ADGRB3: variants seen among roughly 807,000 people sequenced by gnomAD.
ADGRB3 encodes brain-specific angiogenesis inhibitor 3.
ADGRB3 carries 37 observed loss-of-function variants against 193.4 expected under a neutral mutation model. The observed-to-expected ratio is 0.19, with a 90% CI of 0.15 to 0.25. The LOEUF is 0.25. ADGRB3 is among the 10% of genes least tolerant of loss of function. The pLI, the probability that ADGRB3 is intolerant of heterozygous loss-of-function variation, is 1.00. For synonymous variants in ADGRB3, 690 were observed against 644.2 expected (o/e 1.07, Z -1.08); for missense variants, 1,637 against 1,852.9 (o/e 0.88, Z 2.14).
chr6:68,670,852 A>G (rs1011410155), intron 3 of ADGRB3, among the ~76,000 whole-genome samples: 3 of 152,008 alleles, frequency 2.0e-5, no homozygotes, highest in Non-Finnish European at 4.4e-5. Flanking sequence ...TTTGAGTAGT[A>G]TGGACATTTT....
At chr6:69,366,926 C>T (rs1367765588) in intron 29 of ADGRB3, among the ~76,000 whole-genome samples, 3 of 152,070 alleles carry the variant, frequency 2.0e-5, no homozygotes, top group Non-Finnish European at 4.4e-5. Context: ...AGAAATGGAT[C>T]TTGCCCCTGT....
intron 17 of ADGRB3, among the ~76,000 whole-genome samples, chr6:69,160,497 T>A (rs1774953845): frequency 6.6e-6 from 1 of 152,184 alleles, no homozygotes; most frequent in Non-Finnish European, 1.5e-5. Context: ...AGGACTTTTC[T>A]CAAATGTTAT....
chr6:68,724,983 G>T (rs1220539034), intron 3 of ADGRB3, among the ~76,000 whole-genome samples: 1 of 151,584 alleles, frequency 6.6e-6, no homozygotes, highest in East Asian at 1.9e-4. Flanking sequence ...GCAAATATAT[G>T]TATATTTATT....
rs1395041687 is a variant in ADGRB3 at position 69,125,136 on chromosome 6, A to G, written c.2480+49098A>G. On this transcript the variant is annotated intron_variant, in intron 17 of 31. Transcript: ENST00000370598. ...AAGGGACAGGCAGGCAGACCAGCCA[A>G]TTGCCAACCTAACATCCCTTTTGGA... Among the ~76,000 whole-genome samples, 11 of 152,286 alleles carry G rather than the reference A, an allele frequency of 7.2e-5. 1 individual carries two copies. The highest frequency in any genetic ancestry group is 2.1e-4 in the South Asian group (1 of 4,820).
chr6:69,054,460 G>T (rs1308604972), intron 15 of ADGRB3, among the ~76,000 whole-genome samples: 1 of 152,158 alleles, frequency 6.6e-6, no homozygotes, highest in Non-Finnish European at 1.5e-5. Flanking sequence ...CAGAGCTCAT[G>T]TCCTTAGGTT....
At chr6:68,983,605 A>G (rs1405054750) in intron 10 of ADGRB3, among the ~76,000 whole-genome samples, 2 of 151,910 alleles carry the variant, frequency 1.3e-5, no homozygotes, top group Non-Finnish European at 2.9e-5. Context: ...GTATCCATTC[A>G]TCTACCCATT....
intron 17 of ADGRB3, among the ~76,000 whole-genome samples, chr6:69,122,431 T>G (rs1420871333): frequency 1.7e-5 from 2 of 115,540 alleles, no homozygotes; most frequent in East Asian, 5.4e-4. Context: ...CCTCAGCAAC[T>G]GAGGGAGACC....
At chr6:69,275,694 A>AT (rs200282068) in intron 20 of ADGRB3, among the ~76,000 whole-genome samples, 19 of 151,562 alleles carry the variant, frequency 1.3e-4, no homozygotes, top group African/African-American at 2.7e-4. Context: ...AGGACATAAT[A>AT]TAAAAAAAAA....
At position 69,138,000 on chromosome 6, in the gene ADGRB3, A is replaced by G. The variant is rs543237038; in HGVS notation, c.2480+61962A>G. On this transcript the variant is annotated intron_variant, in intron 17 of 31. Coordinates refer to ENST00000370598, the MANE Select transcript of ADGRB3 (RefSeq NM_001704.3). Reference sequence around the variant, plus strand: ...CAGTTGTTGCCTTGGGGTCAGGCCCATTTCAGGCAACAGAAAGTACAGAAT... The same window carrying G: ...CAGTTGTTGCCTTGGGGTCAGGCCCGTTTCAGGCAACAGAAAGTACAGAAT... 4.6e-5 allele frequency among the ~76,000 whole-genome samples: 7 copies of G among 152,316 alleles called. No homozygotes were observed. In the East Asian group the frequency reaches 9.7e-4, roughly 21 times the overall value.
At chr6:68,848,065 T>C (rs1582251400) in intron 3 of ADGRB3, among the ~76,000 whole-genome samples, 2 of 152,198 alleles carry the variant, frequency 1.3e-5, no homozygotes, top group Admixed American at 1.3e-4. Flanking sequence ...AGAATTAATA[T>C]TTGTTAATCA....
intron 17 of ADGRB3, among the ~76,000 whole-genome samples, chr6:69,200,486 A>G (rs943833874): frequency 3.3e-5 from 5 of 152,162 alleles, no homozygotes; most frequent in African/African-American, 9.7e-5. Context: ...CTGAGAACAT[A>G]AACTCTCATG....
intron 3 of ADGRB3, among the ~76,000 whole-genome samples, chr6:68,795,343 A>G (rs1018858009): frequency 2.0e-5 from 3 of 152,204 alleles, no homozygotes; most frequent in Middle Eastern, 3.4e-3. Flanking sequence ...CTAAAGAAAA[A>G]CTGTATCTTG....
intron 20 of ADGRB3, among the ~76,000 whole-genome samples, chr6:69,276,890 C>T (rs892055383): frequency 6.6e-6 from 1 of 151,910 alleles, no homozygotes; most frequent in Non-Finnish European, 1.5e-5. Flanking sequence ...CCAAACTCAT[C>T]AAATTGTATA....
intron 3 of ADGRB3, among the ~76,000 whole-genome samples, chr6:68,843,048 C>CAAA (rs746757153): frequency 1.6e-3 from 139 of 88,108 alleles, no homozygotes; most frequent in African/African-American, 4.0e-3. Flanking sequence ...CCATATACAA[C>CAAA]AACAAAAAAA....
intron 3 of ADGRB3, among the ~76,000 whole-genome samples, chr6:68,733,486 A>G (rs1765813094): frequency 1.3e-5 from 2 of 151,786 alleles, no homozygotes; most frequent in Non-Finnish European, 2.9e-5. Flanking sequence ...GACTTCAAAA[A>G]GGGGGAAGAA....
At chr6:68,645,067 C>T (rs1193878436) in intron 3 of ADGRB3, among the ~76,000 whole-genome samples, 1 of 152,096 alleles carries the variant, frequency 6.6e-6, no homozygotes, top group East Asian at 1.9e-4. Context: ...ATTTATAAAT[C>T]ATAGTTTTTC....
At chr6:69,002,346 A>G (rs1297663382) in intron 11 of ADGRB3, among the ~76,000 whole-genome samples, 1 of 151,492 alleles carries the variant, frequency 6.6e-6, no homozygotes, top group East Asian at 1.9e-4. Context: ...AGCCTTTTGA[A>G]TAGCTGGGAC....
chr6:68,772,891 AAAAATATATATATATAT>A lies in ADGRB3; in HGVS notation c.757+133461_757+133477del, dbSNP rs1213829774. On this transcript the variant is annotated intron_variant, in intron 3 of 31. Transcript: ENST00000370598. ...CAAACAAACAAACAAACAAAAAAAA[AAAAATATATATATATAT>A]ATATATATATATATATATATATATA... 3.4e-3 allele frequency among the ~76,000 whole-genome samples: 122 copies of A among 35,848 alleles called. 1 individual carries two copies. Among genetic ancestry groups the A allele is most frequent in the African/African-American group, 0.013 (80 of 5,934 alleles). 23.5% of individuals were successfully genotyped at this position (35,848 alleles called of 152,430 possible).
chr6:69,124,656 AAAGTT>A (rs1773808016), intron 17 of ADGRB3, among the ~76,000 whole-genome samples: 1 of 152,228 alleles, frequency 6.6e-6, no homozygotes, highest in Non-Finnish European at 1.5e-5. Flanking sequence ...GAATTTCTAA[AAAGTT>A]AAGACAATTA....
Sources: allele counts gnomAD v4.1 joint callset (sites outside exome capture counted in the v4.1 genomes callset), GRCh38; gene constraint gnomAD v4.1.1; transcripts MANE v1.5; gene names NCBI Gene and HGNC (gene_info 2026-07-23, HGNC 2026-07-21).